The following HTR2C variants were observed in gnomAD, a reference collection of about 807,000 sequenced individuals.
HTR2C encodes 5-hydroxytryptamine receptor 2C, also known as 5-hydroxytryptamine (serotonin) receptor 2C, G protein-coupled.
HTR2C carries 5 observed loss-of-function variants against 21.0 expected under a neutral mutation model. That is an observed-to-expected ratio of 0.24 (90% CI 0.12 to 0.50). The LOEUF is 0.50. HTR2C is among the 20% of genes least tolerant of loss of function. HTR2C has a pLI of 0.98. For synonymous variants in HTR2C, 150 were observed against 145.3 expected, an observed-to-expected ratio of 1.03 and a Z score of -0.23; for missense variants, 271 against 371.2, an observed-to-expected ratio of 0.73 and a Z score of 2.22.
chrX:114,800,973 A>G (rs1175890532), intron 4 of HTR2C, among the ~76,000 whole-genome samples: 1 of 111,468 alleles, frequency 9.0e-6, no homozygotes, highest in Non-Finnish European at 1.9e-5. Context: ...TCTATGAAGC[A>G]GTAGGGAATA....
chrX:114,653,715 A>G lies in HTR2C; in HGVS notation c.-80+39834A>G, dbSNP rs782586132. Among the ~76,000 whole-genome samples, 8 of 110,485 alleles carry G rather than the reference A, an allele frequency of 7.2e-5. No homozygotes were observed. The East Asian group carries it at 2.0e-3, about 27-fold the overall frequency. ...AAGGATTATGCAGGCTTTGTTCACCATTCTATATCTAGCTACAAACACTTT... is the reference window on the plus strand; with the variant it reads ...AAGGATTATGCAGGCTTTGTTCACCGTTCTATATCTAGCTACAAACACTTT... On this transcript the variant is annotated intron_variant, in intron 2 of 5. Transcript: ENST00000276198.
chrX:114,759,098 A>T (rs2069841326), intron 4 of HTR2C, among the ~76,000 whole-genome samples: 2 of 112,058 alleles, frequency 1.8e-5, no homozygotes, highest in African/African-American at 6.5e-5. Context: ...ATTTACCATG[A>T]CTAAATTGGA....
chrX:114,724,062 G>C (rs1933338370), intron 2 of HTR2C, among the ~76,000 whole-genome samples: 1 of 104,084 alleles, frequency 9.6e-6, no homozygotes, highest in Non-Finnish European at 2.0e-5. Context: ...TTCAATTCCT[G>C]GGTATCCTTG....
At chrX:114,722,150 G>A (rs1224712397) in intron 2 of HTR2C, among the ~76,000 whole-genome samples, 3 of 110,636 alleles carry the variant, frequency 2.7e-5, no homozygotes, top group Non-Finnish European at 5.7e-5. Context: ...CTACCTATGA[G>A]CATAGAATGT....
At chrX:114,853,088 A>G (rs1311697853) in intron 5 of HTR2C, among the ~76,000 whole-genome samples, 1 of 111,221 alleles carries the variant, frequency 9.0e-6, no homozygotes, top group Admixed American at 9.6e-5. Context: ...TGCAAATCCC[A>G]TAAGTGAGAA....
At chrX:114,784,215 C>T (rs1556441352) in intron 4 of HTR2C, among the ~76,000 whole-genome samples, 1 of 102,025 alleles carries the variant, frequency 9.8e-6, no homozygotes, top group Non-Finnish European at 2.0e-5. Flanking sequence ...AAGGCAAAAA[C>T]AGTGAATATC....
At chrX:114,698,458 AAACACACACACACACAAACACG>A (rs1181336580) in intron 2 of HTR2C, among the ~76,000 whole-genome samples, 34 of 9,905 alleles carry the variant, frequency 3.4e-3, no homozygotes, top group African/African-American at 5.9e-3. Flanking sequence ...ACACACACAC[AAACACACACACACACAAACACG>A]CACACACACA....
In HTR2C at chrX:114,888,144, T is replaced by C. The variant is rs782073878; in HGVS notation, c.551-18445T>C. Among the ~76,000 whole-genome samples, 25 of 112,443 alleles carry C rather than the reference T, an allele frequency of 2.2e-4. No individual in the cohort carries two copies. In the East Asian group the frequency reaches 6.2e-3, roughly 28 times the overall value. On this transcript the variant is annotated intron_variant, in intron 5 of 5. Transcript: ENST00000276198. ...GGCTTTCAGTATTTTGACTAGTTTA[T>C]CTGTGGATCTCTTTGTATTTTTCCA...
chrX:114,724,073 T>C (rs1184959889), intron 2 of HTR2C, among the ~76,000 whole-genome samples: 2 of 105,603 alleles, frequency 1.9e-5, no homozygotes, highest in Non-Finnish European at 3.9e-5. Context: ...GGTATCCTTG[T>C]TGACTTTCTG....
intron 1 of HTR2C, among the ~76,000 whole-genome samples, chrX:114,588,380 A>G (rs934025510): frequency 1.8e-5 from 2 of 111,811 alleles, no homozygotes; most frequent in Admixed American, 9.5e-5. Context: ...CCTATTAAGA[A>G]CTATGCATAA....
intron 2 of HTR2C, among the ~76,000 whole-genome samples, chrX:114,707,292 ATGCCTGT>A (rs1932793630): frequency 9.0e-6 from 1 of 111,399 alleles, no homozygotes; most frequent in East Asian, 2.8e-4. Flanking sequence ...ATGGTGACAC[ATGCCTGT>A]AGTCCCAGCT....
At chrX:114,669,528 GA>G (rs1931293080) in intron 2 of HTR2C, among the ~76,000 whole-genome samples, 1 of 111,548 alleles carries the variant, frequency 9.0e-6, no homozygotes, top group Non-Finnish European at 1.9e-5. Context: ...CCAGGTTGTT[GA>G]ACAAATTAAG....
chrX:114,644,966 T>G (rs1930307738), intron 2 of HTR2C, among the ~76,000 whole-genome samples: 1 of 110,724 alleles, frequency 9.0e-6, no homozygotes, highest in Non-Finnish European at 1.9e-5. Flanking sequence ...CAAAGTGCAT[T>G]CTCTATAAAA....
At chrX:114,760,489 C>T (rs1402143020) in intron 4 of HTR2C, among the ~76,000 whole-genome samples, 2 of 111,025 alleles carry the variant, frequency 1.8e-5, no homozygotes, top group African/African-American at 6.6e-5. Context: ...TTTAATTTAC[C>T]ACAATGGAAA....
chrX:114,805,478 TAAA>T (rs1569495475), intron 4 of HTR2C, among the ~76,000 whole-genome samples: 2 of 103,458 alleles, frequency 1.9e-5, no homozygotes, highest in African/African-American at 7.0e-5. Context: ...TTTTAAATTT[TAAA>T]TTTTGGTGGG....
At chrX:114,586,302 C>A (rs6579488) in intron 1 of HTR2C, among the ~76,000 whole-genome samples, 3,078 of 111,707 alleles carry the variant, frequency 0.028, 104 homozygotes, top group African/African-American at 0.095. Flanking sequence ...CCCCCCCATT[C>A]CACCCCACAG....
intron 2 of HTR2C, among the ~76,000 whole-genome samples, chrX:114,658,816 G>T (rs1263038557): frequency 9.0e-6 from 1 of 111,402 alleles, no homozygotes; most frequent in African/African-American, 3.3e-5. Context: ...GTTGTTTCAG[G>T]CCAAGTCCAC....
chrX:114,617,505 T>G, intron 2 of HTR2C, among the ~76,000 whole-genome samples: 1 of 112,450 alleles, frequency 8.9e-6, no homozygotes, highest in Non-Finnish European at 1.9e-5. Flanking sequence ...CAAATGTTGC[T>G]TACATTGATA....
intron 4 of HTR2C, among the ~76,000 whole-genome samples, chrX:114,833,330 T>C (rs1556461990): frequency 9.6e-6 from 1 of 104,079 alleles, no homozygotes; most frequent in Non-Finnish European, 2.0e-5. Flanking sequence ...CATCTGGTCC[T>C]GGACTCTTTT....
Sources: gnomAD v4.1 joint callset for allele counts (sites outside exome capture counted in the v4.1 genomes callset) on GRCh38, gnomAD v4.1.1 for gene constraint, MANE v1.5 for transcripts, NCBI Gene and HGNC (gene_info 2026-07-23, HGNC 2026-07-21) for gene names.